CXCL13: variants seen among roughly 807,000 people sequenced by gnomAD.
CXCL13 encodes C-X-C motif chemokine 13.
CXCL13 carries 7 observed loss-of-function variants against 12.2 expected under a neutral mutation model. The observed-to-expected ratio is 0.57, with a 90% CI of 0.33 to 1.07. The LOEUF (loss-of-function observed/expected upper bound fraction) is 1.07. Among genes scored for constraint, CXCL13 ranks in the 50% least tolerant of loss-of-function variants. The pLI is 0.04. For synonymous variants in CXCL13, 47 were observed against 42.4 expected, an observed-to-expected ratio of 1.11 and a Z score of -0.42; for missense variants, 113 against 127.4, an observed-to-expected ratio of 0.89 and a Z score of 0.55.
chr4:77,593,903 A>G (rs1340207748), intron 1 of CXCL13, among the ~76,000 whole-genome samples: 1 of 152,190 alleles, frequency 6.6e-6, no homozygotes, highest in African/African-American at 2.4e-5. Flanking sequence ...GGGTATTTCT[A>G]ACAGCTATTA....
chr4:77,526,749 G>A (rs933940534), intron 1 of CXCL13, among the ~76,000 whole-genome samples: 21 of 152,040 alleles, frequency 1.4e-4, no homozygotes, highest in African/African-American at 4.8e-4. Context: ...ATGAGGGAAG[G>A]GAAAACAGAG....
chr4:77,570,939 C>T (rs1422299631), intron 1 of CXCL13, among the ~76,000 whole-genome samples: 1 of 152,022 alleles, frequency 6.6e-6, no homozygotes, highest in Non-Finnish European at 1.5e-5. Context: ...CATGCCTGGG[C>T]CTTCCTCTGC....
At chr4:77,596,136 A>T (rs915745906) in intron 1 of CXCL13, among the ~76,000 whole-genome samples, 3 of 152,214 alleles carry the variant, frequency 2.0e-5, no homozygotes, top group African/African-American at 7.2e-5. Context: ...AATACAATGG[A>T]ATTTTTCCTG....
At chr4:77,545,241 G>A (rs938048736) in intron 1 of CXCL13, among the ~76,000 whole-genome samples, 5 of 152,104 alleles carry the variant, frequency 3.3e-5, no homozygotes, top group Non-Finnish European at 7.4e-5. Flanking sequence ...CTCTTTTTTG[G>A]TTCCATATGA....
intron 1 of CXCL13, among the ~76,000 whole-genome samples, chr4:77,588,210 T>C (rs1239287828): frequency 6.6e-6 from 1 of 152,250 alleles, no homozygotes; most frequent in African/African-American, 2.4e-5. Flanking sequence ...CCCCCCGTTC[T>C]CACCATTTAG....
intron 1 of CXCL13, among the ~76,000 whole-genome samples, chr4:77,593,844 T>C (rs1166664647): frequency 6.6e-6 from 1 of 151,936 alleles, no homozygotes; most frequent in Non-Finnish European, 1.5e-5. Flanking sequence ...CGAGGAGAGG[T>C]GAGGACGAGT....
At chr4:77,513,555 G>A (rs1005680719) in intron 1 of CXCL13, among the ~76,000 whole-genome samples, 1 of 151,970 alleles carries the variant, frequency 6.6e-6, no homozygotes, top group African/African-American at 2.4e-5. Context: ...GGGTTCACAG[G>A]ATTCTCCTGC....
intron 1 of CXCL13, among the ~76,000 whole-genome samples, chr4:77,544,620 G>A (rs1331973798): frequency 6.6e-6 from 1 of 151,960 alleles, no homozygotes; most frequent in East Asian, 1.9e-4. Flanking sequence ...AAATTTGTTT[G>A]AGTTCTTTGT....
intron 1 of CXCL13, among the ~76,000 whole-genome samples, chr4:77,536,790 T>G (rs1725068322): frequency 6.6e-6 from 1 of 152,234 alleles, no homozygotes; most frequent in South Asian, 2.1e-4. Flanking sequence ...CTATCTCTGA[T>G]GCTTAGAAAT....
chr4:77,523,731 T>C (rs939435201), intron 1 of CXCL13, among the ~76,000 whole-genome samples: 6 of 152,230 alleles, frequency 3.9e-5, no homozygotes, highest in Non-Finnish European at 5.9e-5. Context: ...AAAGTCATTC[T>C]CTGTCCAGCT....
intron 1 of CXCL13, among the ~76,000 whole-genome samples, chr4:77,524,452 C>G (rs541721029): frequency 8.5e-5 from 13 of 152,342 alleles, no homozygotes; most frequent in Middle Eastern, 6.8e-3. Context: ...ATGCCCCTCT[C>G]CCAGCCAGGC....
At chr4:77,555,982 C>G (rs1487754244) in intron 1 of CXCL13, among the ~76,000 whole-genome samples, 1 of 152,156 alleles carries the variant, frequency 6.6e-6, no homozygotes, top group Non-Finnish European at 1.5e-5. Flanking sequence ...TATGGAGCCA[C>G]TGAAACTCTC....
intron 1 of CXCL13, among the ~76,000 whole-genome samples, chr4:77,527,678 T>G (rs1375423073): frequency 6.6e-6 from 1 of 152,046 alleles, no homozygotes; most frequent in Non-Finnish European, 1.5e-5. Flanking sequence ...GACACTTGAA[T>G]GAATGACATT....
intron 1 of CXCL13, among the ~76,000 whole-genome samples, chr4:77,540,055 T>C (rs564586259): frequency 2.0e-5 from 3 of 152,324 alleles, no homozygotes; most frequent in South Asian, 2.1e-4. Context: ...CTTCATATAA[T>C]TATTTTTAGA....
chr4:77,556,230 A>G (rs1370554589), intron 1 of CXCL13, among the ~76,000 whole-genome samples: 1 of 152,254 alleles, frequency 6.6e-6, no homozygotes. Context: ...ATGGTTAAAC[A>G]AATTGTGGTA....
At chr4:77,585,689 A>G (rs1726439044) in intron 1 of CXCL13, among the ~76,000 whole-genome samples, 1 of 152,220 alleles carries the variant, frequency 6.6e-6, no homozygotes. Context: ...ATAGGTCACC[A>G]TAGTCTCTTG....
chr4:77,545,698 G>A (rs977225510), intron 1 of CXCL13, among the ~76,000 whole-genome samples: 2 of 152,176 alleles, frequency 1.3e-5, no homozygotes, highest in Admixed American at 1.3e-4. Flanking sequence ...TGCAAACAGA[G>A]ACAATTTGAC....
intron 1 of CXCL13, among the ~76,000 whole-genome samples, chr4:77,570,672 C>T (rs986756964): frequency 3.9e-5 from 6 of 152,108 alleles, no homozygotes; most frequent in Non-Finnish European, 5.9e-5. Flanking sequence ...GAGGGAGAGG[C>T]GCGAGCAGGA....
At chr4:77,529,741 T>C (rs1449412334) in intron 1 of CXCL13, among the ~76,000 whole-genome samples, 1 of 152,204 alleles carries the variant, frequency 6.6e-6, no homozygotes, top group Non-Finnish European at 1.5e-5. Context: ...TGTGACTTCC[T>C]CTTTTCCTAA....
Sources: allele counts gnomAD v4.1 joint callset (sites outside exome capture counted in the v4.1 genomes callset), GRCh38; gene constraint gnomAD v4.1.1; transcripts MANE v1.5; gene names NCBI Gene and HGNC (gene_info 2026-07-23, HGNC 2026-07-21).